Variants in GPBP1 observed in about 807,000 individuals in gnomAD.
The protein encoded by GPBP1 is GC-rich promoter binding protein 1.
Under a neutral mutation model 56.5 loss-of-function variants are expected in GPBP1, and 13 were observed. That is an observed-to-expected ratio of 0.23 (90% confidence interval 0.15 to 0.37). The LOEUF (loss-of-function observed/expected upper bound fraction) is 0.37. Ranked by LOEUF, GPBP1 falls within the 10% of genes least tolerant of loss-of-function variation. The probability of loss-of-function intolerance (pLI) is 1.00; values close to 1 mark genes in which losing one functional copy is unlikely to be tolerated. For missense variants in GPBP1, 477 were observed against 572.3 expected, an observed-to-expected ratio of 0.83 and a Z score of 1.70; for synonymous variants, 204 against 188.9, an observed-to-expected ratio of 1.08 and a Z score of -0.66.
intron 6 of GPBP1, among the ~76,000 whole-genome samples, chr5:57,244,668 A>G (rs1471689905): frequency 6.6e-6 from 1 of 151,530 alleles, no homozygotes; most frequent in African/African-American, 2.4e-5. Flanking sequence ...ACCAAAAATA[A>G]TTGGAAATCT....
rs1755688028 is a variant in GPBP1, at chr5:57,216,062, TTAGA to T, written c.63+1873_63+1876del. On this transcript the variant is annotated intron_variant, in intron 3 of 11. Transcript: ENST00000506184. ...TTTCCAGTGTGAAACTACTGCCCTA[TTAGA>T]TAGCTGGAGCAAGAGCAATTAGGGC... Among the ~76,000 whole-genome samples the T allele has an allele frequency of 2.0e-5, 3 of 152,184 alleles. No individual in the cohort carries two copies. The South Asian group carries it at 6.2e-4, about 31-fold the overall frequency.
At chr5:57,228,651 C>T (rs940033258) in intron 3 of GPBP1, among the ~76,000 whole-genome samples, 2 of 150,892 alleles carry the variant, frequency 1.3e-5, no homozygotes, top group Non-Finnish European at 2.9e-5. Context: ...CAGATTTCAG[C>T]GGGGGAAATT....
intron 2 of GPBP1, among the ~76,000 whole-genome samples, chr5:57,189,211 C>G (rs557792504): frequency 6.6e-6 from 1 of 152,174 alleles, no homozygotes; most frequent in Non-Finnish European, 1.5e-5. Flanking sequence ...CTTCCACTTT[C>G]CAGTTCAGGT....
At position 57,186,907 on chromosome 5, in the gene GPBP1, A is replaced by C. The variant is rs1481948670; in HGVS notation, c.-58+10507A>C. ...TTTCCATGTAAATGTCCAGTTGTGC[A>C]AGTTTCATTTGTTGAAAAGATTGTT... is the stretch of plus-strand genomic sequence containing the variant. On this transcript the variant is annotated intron_variant, in intron 2 of 11. Coordinates refer to ENST00000506184, the MANE Select transcript of GPBP1 (RefSeq NM_022913.4). Among the ~76,000 whole-genome samples the C allele has an allele frequency of 9.2e-5, 14 of 151,926 alleles. No individual in the cohort carries two copies. In the East Asian group the frequency reaches 2.5e-3, roughly 27 times the overall value.
At position 57,256,234 on chromosome 5, in the gene GPBP1, G is replaced by A. The variant is rs138622679; in HGVS notation, c.1161-4946G>A. On this transcript the variant is annotated intron_variant, in intron 10 of 11. Transcript: ENST00000506184. ...CGCACCACTGAACTCTAGCCTGGAC[G>A]GCAGAGCAAGACTCCATTCTCAAAA... Among the ~76,000 whole-genome samples, 486 of 152,040 alleles carry A rather than the reference G, an allele frequency of 3.2e-3. 4 individuals are homozygous for A. Among genetic ancestry groups the A allele is most frequent in the African/African-American group, 0.011 (465 of 41,476 alleles).
Position 57,244,727 on chromosome 5 carries a change from ATTTTTT to A in GPBP1, c.479-1554_479-1549del, listed in dbSNP as rs532660984. Among the ~76,000 whole-genome samples, 14 of 93,166 alleles carry A rather than the reference ATTTTTT, an allele frequency of 1.5e-4. No homozygotes were observed. The South Asian group carries it at 3.1e-3, about 20-fold the overall frequency. The allele number at this position is 93,166 out of a possible 152,430, so 61.1% of individuals were successfully genotyped here. On this transcript the variant is annotated intron_variant, in intron 6 of 11. Transcript: ENST00000506184. ...TATTATTTACTATTCTTTGTTTGAG[ATTTTTT>A]TTTTTTTTTTTTTTTTTTGAGATGG...
chr5:57,208,026 C>G (rs1755309371), intron 2 of GPBP1, among the ~76,000 whole-genome samples: 1 of 152,084 alleles, frequency 6.6e-6, no homozygotes, highest in Admixed American at 6.6e-5. Flanking sequence ...GCAGAGTGGT[C>G]TTGGGAAATG....
chr5:57,257,041 T>TG (rs1741696557), intron 10 of GPBP1, among the ~76,000 whole-genome samples: 2 of 140,364 alleles, frequency 1.4e-5, no homozygotes, highest in South Asian at 4.4e-4. Context: ...TTTGTTTTTG[T>TG]TTTTTTTTTG....
At chr5:57,191,442 T>G (rs1337515395) in intron 2 of GPBP1, among the ~76,000 whole-genome samples, 1 of 152,150 alleles carries the variant, frequency 6.6e-6, no homozygotes, top group Non-Finnish European at 1.5e-5. Flanking sequence ...AAGATTTGTT[T>G]ACTGTGACCC....
intron 2 of GPBP1, among the ~76,000 whole-genome samples, chr5:57,180,118 A>G (rs1753976258): frequency 6.6e-6 from 1 of 152,084 alleles, no homozygotes; most frequent in Admixed American, 6.6e-5. Flanking sequence ...AGGCCAGATT[A>G]TTTAACTTTT....
chr5:57,231,473 A>T, intron 5 of GPBP1, 152 bp downstream of exon 5: 1 of 667,720 alleles, frequency 1.5e-6, no homozygotes, highest in Non-Finnish European at 2.5e-6. Flanking sequence ...GGGTTTCACC[A>T]GGTTGGCCAG....
intron 2 of GPBP1, among the ~76,000 whole-genome samples, chr5:57,181,800 T>C (rs1266940746): frequency 6.6e-6 from 1 of 152,220 alleles, no homozygotes; most frequent in African/African-American, 2.4e-5. Context: ...AAAGGTCCAT[T>C]ACCTTCAACA....
chr5:57,255,207 T>G (rs569133576), intron 10 of GPBP1, among the ~76,000 whole-genome samples: 1 of 152,140 alleles, frequency 6.6e-6, no homozygotes, highest in Non-Finnish European at 1.5e-5. Context: ...TCTCCCCTTC[T>G]CTTTCCCTTT....
rs536114818 is a variant in GPBP1 at position 57,224,057 on chromosome 5, T to C, written c.64-6789T>C. On this transcript the variant is annotated intron_variant, in intron 3 of 11. Coordinates refer to ENST00000506184, the MANE Select transcript of GPBP1 (RefSeq NM_022913.4). ...ACCATGTTAGCCAGGATGGTCTCGA[T>C]CTCCTGACCTCATGATCCGCCCGCC... Among the ~76,000 whole-genome samples, 40 of 151,100 alleles carry C rather than the reference T, an allele frequency of 2.6e-4. 1 individual carries two copies. The highest frequency in any genetic ancestry group is 9.5e-4 in the African/African-American group (39 of 41,172).
At chr5:57,177,506 T>C (rs546927801) in intron 2 of GPBP1, among the ~76,000 whole-genome samples, 34 of 152,198 alleles carry the variant, frequency 2.2e-4, no homozygotes, top group African/African-American at 7.5e-4. Context: ...CGAGTTTCGC[T>C]CTTGTTGCCC....
chr5:57,246,607 T>C (rs1741102196), intron 7 of GPBP1, 123 bp downstream of exon 7: 3 of 672,802 alleles, frequency 4.5e-6, no homozygotes, highest in South Asian at 4.5e-5. Flanking sequence ...GAGTTCTAGG[T>C]GGCAAGAGTT....
rs934843790 is a variant in GPBP1, at chr5:57,249,479, G to A, written c.875G>A (p.Arg292Gln). ...NQQPRLTKLT[R>Q]MRTDKKSEFL... is the part of the protein sequence containing the mutation. ...CAGCCTCGTCTAACCAAACTGACAC[G>A]AATGCGCACTGATAAGAAGAGTGAA... is the stretch of plus-strand genomic sequence containing the variant. The change falls in exon 9 of 12, where the codon CGA (arginine) becomes CAA (glutamine). Residue 292 changes from arginine to glutamine, a missense_variant. Physicochemically the swap from Arg to Gln is conservative, Grantham distance 43. Coordinates refer to ENST00000506184, the MANE Select transcript of GPBP1 (RefSeq NM_022913.4). 1.2e-6 allele frequency: 2 copies of A among 1,612,508 alleles called. No homozygotes were observed. Among genetic ancestry groups the A allele is most frequent in the Non-Finnish European group, 8.5e-7 (1 of 1,179,352 alleles).
intron 3 of GPBP1, among the ~76,000 whole-genome samples, chr5:57,227,582 A>G (rs892458116): frequency 6.6e-6 from 1 of 152,222 alleles, no homozygotes; most frequent in African/African-American, 2.4e-5. Context: ...AGTAAGCAAC[A>G]TTGAGGGACA....
chr5:57,216,602 C>G (rs187740564), intron 3 of GPBP1, among the ~76,000 whole-genome samples: 87 of 152,144 alleles, frequency 5.7e-4, no homozygotes, highest in African/African-American at 2.0e-3. Context: ...ATGAGAATCA[C>G]TTGAACCCGG....
Sources: allele counts gnomAD v4.1 joint callset (sites outside exome capture counted in the v4.1 genomes callset), GRCh38; gene constraint gnomAD v4.1.1; transcripts MANE v1.5; gene names NCBI Gene and HGNC (gene_info 2026-07-23, HGNC 2026-07-21).